The following DYNC2H1 variants were observed in gnomAD, a reference collection of about 807,000 sequenced individuals.
DYNC2H1 encodes the protein dynein cytoplasmic 2 heavy chain 1.
A neutral mutation model predicts 570.0 loss-of-function variants in DYNC2H1; 410 were observed. That is an observed-to-expected ratio of 0.72 (90% CI 0.66 to 0.78). DYNC2H1 has a LOEUF of 0.78. Among genes scored for constraint, DYNC2H1 ranks in the 30% least tolerant of loss-of-function variants. The pLI is 0.00. For missense variants in DYNC2H1, 4,865 were observed against 5,046.4 expected, an observed-to-expected ratio of 0.96 and a Z score of 1.09; for synonymous variants, 1,688 against 1,677.6, an observed-to-expected ratio of 1.01 and a Z score of -0.15.
At position 103,189,024 on chromosome 11, in the gene DYNC2H1, G is replaced by A. The variant is rs1862191591; in HGVS notation, c.7292+376G>A. ...AAAAGAGAATTTCAATCTGAACAAG[G>A]GAGAATTAGGGTCATTTTAATGGCT... On this transcript the variant is annotated intron_variant, in intron 44 of 88. Transcript: ENST00000375735. This position sits in a 1 kb window ranked among gnomAD's most constrained non-coding sequence, Gnocchi z 4.3. Among the ~76,000 whole-genome samples the A allele has an allele frequency of 6.6e-6, 1 of 152,040 alleles. No homozygotes were observed. Among genetic ancestry groups the A allele is most frequent in the South Asian group, 2.1e-4 (1 of 4,812 alleles).
chr11:103,422,811 A>G (rs1269080480), intron 84 of DYNC2H1, among the ~76,000 whole-genome samples: 2 of 152,206 alleles, frequency 1.3e-5, no homozygotes, highest in Non-Finnish European at 1.5e-5. Flanking sequence ...ACTCCTATTC[A>G]ACATAGTATT....
At chr11:103,338,173 G>T (rs1198527700) in intron 82 of DYNC2H1, among the ~76,000 whole-genome samples, 3 of 144,694 alleles carry the variant, frequency 2.1e-5, no homozygotes, top group Middle Eastern at 3.4e-3. Context: ...TTGAAGCTGA[G>T]TTGGTTGTAA....
intron 71 of DYNC2H1, among the ~76,000 whole-genome samples, chr11:103,281,492 G>T (rs1344086596): frequency 6.6e-6 from 1 of 151,964 alleles, no homozygotes; most frequent in Non-Finnish European, 1.5e-5. Flanking sequence ...AATTGTAATA[G>T]GAAGAGTGTG....
chr11:103,398,905 C>T (rs906606868), intron 83 of DYNC2H1, among the ~76,000 whole-genome samples: 13 of 151,846 alleles, frequency 8.6e-5, no homozygotes, highest in African/African-American at 1.9e-4. Context: ...TTTCGTTTTT[C>T]GTTTTACTGT....
intron 85 of DYNC2H1, among the ~76,000 whole-genome samples, chr11:103,440,018 G>A (rs900427380): frequency 5.3e-5 from 8 of 152,114 alleles, no homozygotes; most frequent in East Asian, 1.9e-4. Context: ...AAATTCTAGC[G>A]TGTTCTCTAC....
chr11:103,479,009 TTAATA>T, intron 88 of DYNC2H1, 81 bp from the exon 89 acceptor site: 10 of 1,401,524 alleles, frequency 7.1e-6, no homozygotes, highest in Non-Finnish European at 9.8e-6. Context: ...TAATATAATA[TTAATA>T]TGTTTGTTTC....
At chr11:103,236,588 C>A in intron 63 of DYNC2H1, 49 bp downstream of exon 63, 1 of 1,016,030 alleles carries the variant, frequency 9.8e-7, no homozygotes, top group Non-Finnish European at 1.5e-6. Flanking sequence ...TATTGTCAAG[C>A]TTGCTGTAGA....
intron 28 of DYNC2H1, among the ~76,000 whole-genome samples, chr11:103,159,822 A>G (rs1163126488): frequency 6.6e-6 from 1 of 152,094 alleles, no homozygotes; most frequent in African/African-American, 2.4e-5. Context: ...GCAAAATATA[A>G]CCCATGGGCC....
At position 103,236,492 on chromosome 11, in the gene DYNC2H1, C is replaced by T. The variant is rs1864226580; in HGVS notation, c.9772C>T (p.Leu3258=). 6.2e-7 allele frequency: 1 copy of T among 1,609,090 alleles called. No homozygotes were observed. The highest frequency in any genetic ancestry group is 8.5e-7 in the Non-Finnish European group (1 of 1,176,496). ...SEQLIWKSEG[L]PSDDLSIENA... is the part of the protein sequence containing the mutation. ...GCAGTTAATTTGGAAAAGTGAAGGC[C>T]TACCATCAGATGACCTTTCCATAGA... The change falls in exon 63 of 89, where the codon CTA becomes TTA. Residue 3258 remains leucine (L), a synonymous_variant. Transcript: ENST00000375735.
chr11:103,479,401 G>A lies in DYNC2H1; in HGVS notation c.*148G>A. ...GTTGATGTCACTGAAATTTTAATGT[G>A]TAAAAGCAGCACTGTGCATCTTTTA... is the stretch of plus-strand genomic sequence containing the variant. On this transcript the variant is annotated 3_prime_UTR_variant, in exon 89 of 89. Transcript: ENST00000375735. 1 of 844,184 alleles carries A rather than the reference G, an allele frequency of 1.2e-6. No homozygotes were observed. Among genetic ancestry groups the A allele is most frequent in the East Asian group, 2.8e-5 (1 of 35,388 alleles). 52.3% of individuals were successfully genotyped at this position (844,184 alleles called of 1,614,324 possible).
In DYNC2H1 at chr11:103,186,461, C is replaced by T. The variant is rs1243279126; in HGVS notation, c.6853C>T (p.Gln2285Ter). 2.5e-6 allele frequency: 4 copies of T among 1,612,096 alleles called. No homozygotes were observed. The African/African-American group carries it at 4.0e-5, about 16-fold the overall frequency. Residue 2285 changes from glutamine to a stop codon, truncating the protein, a stop_gained, in exon 42 of 89, where the codon CAG becomes TAG. Transcript: ENST00000375735. LOFTEE classifies it high-confidence loss of function. This position sits in a 1 kb window ranked among gnomAD's most constrained non-coding sequence, Gnocchi z 4.5. ...FKPWLSSDTK[Q>*]PFILVGPEGC... is the part of the protein sequence containing the mutation. ...ACCATGGTTAAGTTCTGATACTAAACAGCCCTTTATTCTGGTAGGACCAGA... is the reference window on the plus strand; with the variant it reads ...ACCATGGTTAAGTTCTGATACTAAATAGCCCTTTATTCTGGTAGGACCAGA...
At chr11:103,442,701 C>T (rs1944308190) in intron 85 of DYNC2H1, among the ~76,000 whole-genome samples, 1 of 152,050 alleles carries the variant, frequency 6.6e-6, no homozygotes, top group African/African-American at 2.4e-5. Flanking sequence ...TTGAAGATAA[C>T]AAAATCTTTC....
chr11:103,433,659 G>T lies in DYNC2H1; in HGVS notation c.12367-2284G>T, dbSNP rs556974769. Reference sequence around the variant, plus strand: ...AGAAATTATTTACATTTCCTCACATGCAAAATACAACCGTCTCCTCCCAGA... The same window carrying T: ...AGAAATTATTTACATTTCCTCACATTCAAAATACAACCGTCTCCTCCCAGA... On this transcript the variant is annotated intron_variant, in intron 84 of 88. Transcript: ENST00000375735. Among the ~76,000 whole-genome samples the T allele has an allele frequency of 2.6e-5, 4 of 152,152 alleles. No individual in the cohort carries two copies. The East Asian group carries it at 7.7e-4, about 29-fold the overall frequency.
At chr11:103,427,258 G>A (rs909276393) in intron 84 of DYNC2H1, among the ~76,000 whole-genome samples, 1 of 152,016 alleles carries the variant, frequency 6.6e-6, no homozygotes, top group Non-Finnish European at 1.5e-5. Context: ...AACTCTCAAG[G>A]AATGTAATAG....
At chr11:103,341,418 C>A (rs751399934) in intron 82 of DYNC2H1, among the ~76,000 whole-genome samples, 3 of 152,122 alleles carry the variant, frequency 2.0e-5, no homozygotes, top group African/African-American at 4.8e-5. Flanking sequence ...ATTGCCTTTC[C>A]AGTTAAATTA....
rs11225674 is a variant in DYNC2H1 at position 103,303,271 on chromosome 11, C to T, written c.11256+18C>T. The T allele has an allele frequency of 0.15, 233,132 of 1,600,076 alleles. 18,825 individuals carry two copies. The highest frequency in any genetic ancestry group is 0.3 in the Admixed American group (17,482 of 58,728). ...ATCACCAGGTAAGTACATATTGTCC[C>T]GCTGTTTTTGTTTTTGCTATTGCTG... On this transcript the variant is annotated intron_variant, in intron 76 of 88. Transcript: ENST00000375735.
intron 83 of DYNC2H1, among the ~76,000 whole-genome samples, chr11:103,391,938 G>C (rs959869922): frequency 2.0e-5 from 3 of 152,194 alleles, no homozygotes; most frequent in African/African-American, 7.2e-5. Context: ...AGGCTACTCG[G>C]GGGTCAGGGA....
Position 103,363,031 on chromosome 11 carries a change from A to T in DYNC2H1, c.12156+4672A>T, listed in dbSNP as rs1290871610. Among the ~76,000 whole-genome samples the T allele has an allele frequency of 6.6e-6, 1 of 151,740 alleles. No homozygotes were observed. The highest frequency in any genetic ancestry group is 1.9e-4 in the East Asian group (1 of 5,170). On this transcript the variant is annotated intron_variant, in intron 83 of 88. Transcript: ENST00000375735. The surrounding 1 kb of genome is among the most constrained non-coding windows in gnomAD (Gnocchi z 5.6). ...GGGCGACAGAGCAAGACTCTGTCTC[A>T]AAATAAATAAATAAATAAATAATAT...
chr11:103,214,457 T>TTG (rs1349578378), intron 54 of DYNC2H1, among the ~76,000 whole-genome samples: 2 of 150,412 alleles, frequency 1.3e-5, no homozygotes, highest in African/African-American at 4.9e-5. Flanking sequence ...TTTTTTTTTT[T>TTG]TTTTTGAGTA....
Sources: gnomAD v4.1 joint callset for allele counts (sites outside exome capture counted in the v4.1 genomes callset) on GRCh38, gnomAD v4.1.1 for gene constraint, Gnocchi (gnomAD v3.1) non-coding constraint, MANE v1.5 for transcripts, NCBI Gene and HGNC (gene_info 2026-07-23, HGNC 2026-07-21) for gene names.